The following DMXL2 variants were observed in gnomAD, a reference collection of about 807,000 sequenced individuals.
DMXL2 encodes the protein Dmx like 2, also known as dmX-like protein 2.
In DMXL2, 103 loss-of-function variants were observed where a neutral mutation model predicts 331.1. That is an observed-to-expected ratio of 0.31 (90% CI 0.27 to 0.37). The LOEUF is 0.37. Ranked by LOEUF, DMXL2 falls within the 10% of genes least tolerant of loss-of-function variation. DMXL2 has a pLI of 1.00. For missense variants in DMXL2, 3,171 were observed against 3,642.9 expected, an observed-to-expected ratio of 0.87 and a Z score of 3.33; for synonymous variants, 1,281 against 1,252.1, an observed-to-expected ratio of 1.02 and a Z score of -0.49.
At chr15:51,475,984 A>AT (rs2041550387) in intron 27 of DMXL2, among the ~76,000 whole-genome samples, 1 of 152,180 alleles carries the variant, frequency 6.6e-6, no homozygotes, top group Non-Finnish European at 1.5e-5. Flanking sequence ...TATGTTTGCA[A>AT]TTTTTTGCAA....
Position 51,547,297 on chromosome 15 carries a change from CA to C in DMXL2, c.678del (p.Phe226LeufsTer10). On this transcript the variant is annotated frameshift_variant, in exon 7 of 44. Transcript: ENST00000560891. LOFTEE classifies it high-confidence loss of function. Reference sequence around the variant, plus strand: ...ACAGCTCGGGGATGTGCCAAGTAAACAAAAGAAAATTGAGTAGAGGACTGTC... The same window carrying C: ...ACAGCTCGGGGATGTGCCAAGTAAACAAAGAAAATTGAGTAGAGGACTGTC... ...KRRQSSTQFS[F>X]VYLAHPRAVT... 6.2e-7 allele frequency: 1 copy of C among 1,612,908 alleles called. No homozygotes were observed. The highest frequency in any genetic ancestry group is 1.1e-5 in the South Asian group (1 of 90,992).
In DMXL2 at chr15:51,563,115, T is replaced by C. The variant is rs1162168298; in HGVS notation, c.567+266A>G. On this transcript the variant is annotated intron_variant, in intron 6 of 43. Coordinates refer to ENST00000560891, the MANE Select transcript of DMXL2 (RefSeq NM_001378457.1). ...CTTTTTAAGTTATGTACATATGCTATTTTTAAACACAAAACTTAGTTTTTA... is the reference window on the plus strand; with the variant it reads ...CTTTTTAAGTTATGTACATATGCTACTTTTAAACACAAAACTTAGTTTTTA... Among the ~76,000 whole-genome samples, 10 of 151,528 alleles carry C rather than the reference T, an allele frequency of 6.6e-5. No homozygotes were observed. In the South Asian group the frequency reaches 1.9e-3, roughly 28 times the overall value.
intron 6 of DMXL2, among the ~76,000 whole-genome samples, chr15:51,549,684 T>A (rs1362430044): frequency 2.6e-5 from 4 of 152,140 alleles, no homozygotes; most frequent in Admixed American, 1.3e-4. Context: ...GCATTGTGGT[T>A]TTGGTTTGCA....
intron 9 of DMXL2, among the ~76,000 whole-genome samples, chr15:51,538,787 G>C (rs544824204): frequency 6.6e-6 from 1 of 152,202 alleles, no homozygotes; most frequent in East Asian, 1.9e-4. Flanking sequence ...CTGGATATTA[G>C]ATATTATGGA....
At chr15:51,595,209 C>G (rs961565657) in intron 1 of DMXL2, among the ~76,000 whole-genome samples, 5 of 144,770 alleles carry the variant, frequency 3.5e-5, no homozygotes, top group Admixed American at 6.9e-5. Flanking sequence ...AGCTGATAGG[C>G]AACTTCAGCA....
chr15:51,602,379 A>G (rs575050519), intron 1 of DMXL2, among the ~76,000 whole-genome samples: 91 of 151,974 alleles, frequency 6.0e-4, no homozygotes, highest in African/African-American at 2.1e-3. Flanking sequence ...AAATAATTCC[A>G]CAGTTCTACT....
At chr15:51,508,003 A>C (rs546067693) in intron 15 of DMXL2, among the ~76,000 whole-genome samples, 2 of 152,316 alleles carry the variant, frequency 1.3e-5, no homozygotes, top group South Asian at 4.1e-4. Context: ...TAATCATTAA[A>C]ACTCATAATG....
At chr15:51,492,204 C>T (rs1312087340) in intron 19 of DMXL2, among the ~76,000 whole-genome samples, 3 of 152,200 alleles carry the variant, frequency 2.0e-5, no homozygotes, top group East Asian at 1.9e-4. Flanking sequence ...TGTTATCCCC[C>T]ACAAGAGCCC....
At chr15:51,551,540 T>C (rs1044927667) in intron 6 of DMXL2, among the ~76,000 whole-genome samples, 1 of 152,154 alleles carries the variant, frequency 6.6e-6, no homozygotes, top group African/African-American at 2.4e-5. Context: ...TATGTCCAGA[T>C]ACAGATTTAT....
chr15:51,487,519 A>G (rs8030534), intron 22 of DMXL2, among the ~76,000 whole-genome samples: 83,168 of 152,014 alleles, frequency 0.55, 23,112 homozygotes, highest in African/African-American at 0.63. Flanking sequence ...GTGTAGTGGC[A>G]CAATCTCACC....
intron 1 of DMXL2, among the ~76,000 whole-genome samples, chr15:51,589,412 T>C (rs912206337): frequency 6.6e-6 from 1 of 152,228 alleles, no homozygotes; most frequent in Non-Finnish European, 1.5e-5. Flanking sequence ...TGATGGTTTA[T>C]TGTGTATCTT....
intron 1 of DMXL2, among the ~76,000 whole-genome samples, chr15:51,577,804 C>T (rs958752803): frequency 6.6e-6 from 1 of 152,118 alleles, no homozygotes; most frequent in South Asian, 2.1e-4. Flanking sequence ...TTGGTTATGC[C>T]ATGCTGTGCT....
intron 6 of DMXL2, among the ~76,000 whole-genome samples, chr15:51,555,559 G>A (rs1010163588): frequency 6.6e-6 from 1 of 152,078 alleles, no homozygotes; most frequent in Non-Finnish European, 1.5e-5. Context: ...GTTAAAAACA[G>A]GCAGAGTACA....
intron 3 of DMXL2, among the ~76,000 whole-genome samples, chr15:51,565,812 T>C (rs2050231559): frequency 6.6e-6 from 1 of 152,256 alleles, no homozygotes; most frequent in Non-Finnish European, 1.5e-5. Context: ...TTAGGCAAGC[T>C]ATATGTTAAC....
At chr15:51,621,208 T>C (rs1490915752) in intron 1 of DMXL2, among the ~76,000 whole-genome samples, 1 of 152,234 alleles carries the variant, frequency 6.6e-6, no homozygotes, top group East Asian at 1.9e-4. Flanking sequence ...AAACTGGAGC[T>C]AGGCCAAGTG....
chr15:51,512,551 C>T (rs1044541587), intron 15 of DMXL2, among the ~76,000 whole-genome samples: 1 of 152,212 alleles, frequency 6.6e-6, no homozygotes, highest in Admixed American at 6.5e-5. Context: ...TGGCTCACGC[C>T]TGTAATCCCA....
At chr15:51,612,134 G>A (rs1461366913) in intron 1 of DMXL2, among the ~76,000 whole-genome samples, 2 of 152,146 alleles carry the variant, frequency 1.3e-5, no homozygotes, top group Non-Finnish European at 2.9e-5. Context: ...ACCAATTCCA[G>A]ACACAAAATG....
At chr15:51,610,612 C>CA (rs1386305715) in intron 1 of DMXL2, among the ~76,000 whole-genome samples, 1 of 151,850 alleles carries the variant, frequency 6.6e-6, no homozygotes, top group Non-Finnish European at 1.5e-5. Flanking sequence ...AATAAAAATA[C>CA]AAAAAATTAG....
chr15:51,461,607 G>A (rs1040797865), intron 33 of DMXL2, among the ~76,000 whole-genome samples: 2 of 152,112 alleles, frequency 1.3e-5, no homozygotes, highest in Non-Finnish European at 2.9e-5. Flanking sequence ...GGAGTGCAGT[G>A]GTGTGTGATC....
Sources: gnomAD v4.1 joint callset for allele counts (sites outside exome capture counted in the v4.1 genomes callset) on GRCh38, gnomAD v4.1.1 for gene constraint, MANE v1.5 for transcripts, NCBI Gene and HGNC (gene_info 2026-07-23, HGNC 2026-07-21) for gene names.